CILP2: variants seen among roughly 807,000 people sequenced by gnomAD.
CILP2 encodes cartilage intermediate layer protein 2.
In CILP2, 38 loss-of-function variants were observed where a neutral mutation model predicts 45.6. The observed-to-expected ratio is 0.83, with a 90% CI of 0.64 to 1.09. CILP2 has a LOEUF of 1.09. CILP2 is among the 50% of genes least tolerant of loss of function. The pLI, the probability that CILP2 is intolerant of heterozygous loss-of-function variation, is 0.00. For synonymous variants in CILP2, 780 were observed against 723.5 expected, an observed-to-expected ratio of 1.08 and a Z score of -1.25; for missense variants, 1,735 against 1,662.2, an observed-to-expected ratio of 1.04 and a Z score of -0.76.
Position 19,544,570 on chromosome 19 carries a change from C to T in CILP2, c.2025C>T (p.His675=), listed in dbSNP as rs761269922. The change falls in exon 8 of 8, where the codon CAC becomes CAT. Residue 675 remains histidine, a synonymous_variant. Transcript: ENST00000291495. ...VAASQIHMPG[H]VEALKLWSLN... ...CCAGCCAGATCCACATGCCAGGCCACGTGGAGGCCCTCAAGCTGTGGTCGC... is the reference window on the plus strand; with the variant it reads ...CCAGCCAGATCCACATGCCAGGCCATGTGGAGGCCCTCAAGCTGTGGTCGC... The T allele has an allele frequency of 1.9e-6, 3 of 1,575,870 alleles. No homozygotes were observed. The highest frequency in any genetic ancestry group is 2.6e-6 in the Non-Finnish European group (3 of 1,167,138).
At chr19:19,539,804 T>C in intron 2 of CILP2, 27 bp downstream of exon 2, 1 of 1,535,810 alleles carries the variant, frequency 6.5e-7, no homozygotes, top group Non-Finnish European at 8.8e-7. Flanking sequence ...CGGAGTCCCG[T>C]CTCTGCTGCG....
Position 19,541,165 on chromosome 19 carries a change from C to G in CILP2, c.511C>G (p.Arg171Gly), listed in dbSNP as rs759510220. ...SCGPGRRLRRRHCPSPAGDAC... is the reference protein window; with the variant it reads ...SCGPGRRLRRGHCPSPAGDAC... ...TGGGCCAGGCCGTCGCTTGCGCCGC[C>G]GCCACTGCCCAAGCCCCGCTGGGGA... Residue 171 changes from arginine (R) to glycine (G), a missense_variant, in exon 4 of 8, where the codon CGC becomes GGC. Transcript: ENST00000291495. 7.9e-7 allele frequency: 1 copy of G among 1,260,246 alleles called. No homozygotes were observed. The allele number at this position is 1,260,246 out of a possible 1,614,324, so 78.1% of individuals were successfully genotyped here. A position where few individuals can be genotyped will look rare whatever the true frequency, so the allele number is the denominator to read the frequency against.
In CILP2 at chr19:19,542,669, T is replaced by G; in HGVS notation, c.868+19T>G. The G allele has an allele frequency of 6.2e-7, 1 of 1,609,698 alleles. No individual in the cohort carries two copies. Among genetic ancestry groups the G allele is most frequent in the Non-Finnish European group, 8.5e-7 (1 of 1,176,594 alleles). On this transcript the variant is annotated intron_variant, in intron 5 of 7. Coordinates refer to ENST00000291495, the MANE Select transcript of CILP2 (RefSeq NM_153221.2). Reference sequence around the variant, plus strand: ...AAGTTGGGTAAGCACCCTTGCAACATGGGGCATGAAGGGGCTGAGGATCTG... The same window carrying G: ...AAGTTGGGTAAGCACCCTTGCAACAGGGGGCATGAAGGGGCTGAGGATCTG...
At position 19,546,101 on chromosome 19, in the gene CILP2, C is replaced by A; in HGVS notation, c.*85C>A. On this transcript the variant is annotated 3_prime_UTR_variant, in exon 8 of 8. Coordinates refer to ENST00000291495, the MANE Select transcript of CILP2 (RefSeq NM_153221.2). ...TGCCCCTCCTTCTTCTCCAGACAGC[C>A]CCCTCCCCAGGTGTCTGGGTCCCCT... 1 of 1,190,070 alleles carries A rather than the reference C, an allele frequency of 8.4e-7. No individual in the cohort carries two copies. The highest frequency in any genetic ancestry group is 1.1e-6 in the Non-Finnish European group (1 of 906,610). The allele number at this position is 1,190,070 out of a possible 1,614,324, so 73.7% of individuals were successfully genotyped here. A position where few individuals can be genotyped will look rare whatever the true frequency, so the allele number is the denominator to read the frequency against.
At chr19:19,538,506 A>G in intron 1 of CILP2, 93 bp downstream of exon 1, 2 of 1,034,416 alleles carry the variant, frequency 1.9e-6, no homozygotes, top group South Asian at 1.9e-5. Flanking sequence ...GAGAGAACCC[A>G]GGGACCCACG....
rs1455201628 is a variant in CILP2, at chr19:19,545,650, C to A, written c.3105C>A (p.Pro1035=). 1.2e-6 allele frequency: 2 copies of A among 1,609,170 alleles called. No homozygotes were observed. The highest frequency in any genetic ancestry group is 2.2e-5 in the East Asian group (1 of 44,702). Reference sequence around the variant, plus strand: ...TTCGGGATTACCTGACCCGGCACCCCCCACCGGTGCCCGCGGAGGACCCAG... The same window carrying A: ...TTCGGGATTACCTGACCCGGCACCCACCACCGGTGCCCGCGGAGGACCCAG... ...GLLRDYLTRH[P]PPVPAEDPAA... is the part of the protein sequence containing the mutation. The change falls in exon 8 of 8, where the codon CCC becomes CCA. Residue 1035 remains proline, a synonymous_variant. Transcript: ENST00000291495.
Position 19,544,562 on chromosome 19 carries a change from C to T in CILP2, c.2017C>T (p.Pro673Ser). 1.9e-6 allele frequency: 3 copies of T among 1,577,654 alleles called. No homozygotes were observed. The highest frequency in any genetic ancestry group is 2.6e-6 in the Non-Finnish European group (3 of 1,167,944). ...VRVAASQIHM[P>S]GHVEALKLWS... ...GGTGGCCGCCAGCCAGATCCACATG[C>T]CAGGCCACGTGGAGGCCCTCAAGCT... The change falls in exon 8 of 8, where the codon CCA becomes TCA. Residue 673 changes from proline (P) to serine (S), a missense_variant. Pro to Ser is a moderately conservative substitution (Grantham distance 74). Transcript: ENST00000291495.
chr19:19,539,580 A>G (rs182557669), intron 1 of CILP2, 99 bp from the exon 2 acceptor site: 9,210 of 549,334 alleles, frequency 0.017, 150 homozygotes, highest in African/African-American at 0.071. Context: ...AAAAAAAAAA[A>G]GGGGGGGGAT....
chr19:19,541,060 G>A, intron 3 of CILP2, 31 bp from the exon 4 acceptor site: 1 of 1,248,116 alleles, frequency 8.0e-7, no homozygotes. Flanking sequence ...GGGGAGGGCG[G>A]CCACCTGATC....
rs751155853 is a variant in CILP2 at position 19,545,612 on chromosome 19, G to A, written c.3067G>A (p.Val1023Ile). The A allele has an allele frequency of 7.5e-6, 12 of 1,608,072 alleles. No homozygotes were observed. The highest frequency in any genetic ancestry group is 3.4e-5 in the Admixed American group (2 of 59,644). Residue 1023 changes from valine to isoleucine, a missense_variant, in exon 8 of 8, where the codon GTC becomes ATC. Transcript: ENST00000291495. ...MPQGSCRRVA[V>I]NGLLRDYLTR... ...CCAGGGCAGCTGCCGGCGCGTGGCC[G>A]TCAACGGACTCCTTCGGGATTACCT... is the stretch of plus-strand genomic sequence containing the variant.
At position 19,544,106 on chromosome 19, in the gene CILP2, G is replaced by A. The variant is rs2061254290; in HGVS notation, c.1561G>A (p.Val521Met). Residue 521 changes from valine to methionine, a missense_variant, in exon 8 of 8, where the codon GTG (valine) becomes ATG (methionine). Val to Met is a conservative substitution (Grantham distance 21). Coordinates refer to ENST00000291495, the MANE Select transcript of CILP2 (RefSeq NM_153221.2). ...GGTGCCGCCCTCCACCCAGCGGCTG[G>A]TGGTGACTTTTGTGGACCCCAGCGG... ...IEVPPSTQRL[V>M]VTFVDPSGEF... 4 of 1,613,976 alleles carry A rather than the reference G, an allele frequency of 2.5e-6. No homozygotes were observed. The highest frequency in any genetic ancestry group is 3.4e-6 in the Non-Finnish European group (4 of 1,180,020).
Position 19,542,570 on chromosome 19 carries a change from T to G in CILP2, c.788T>G (p.Met263Arg), listed in dbSNP as rs745879016. 1 of 1,614,082 alleles carries G rather than the reference T, an allele frequency of 6.2e-7. No homozygotes were observed. The highest frequency in any genetic ancestry group is 8.5e-7 in the Non-Finnish European group (1 of 1,180,030). Reference protein sequence around the residue: ...ADSRANIRAQMDGFSAGEAQA... With the variant: ...ADSRANIRAQRDGFSAGEAQA... ...AGCCGCGCCAACATCAGGGCCCAGA[T>G]GGATGGCTTCTCTGCAGGGGAGGCC... Residue 263 changes from methionine (M) to arginine (R), a missense_variant, in exon 5 of 8, where the codon ATG (methionine) becomes AGG (arginine). Transcript: ENST00000291495.
chr19:19,538,335 C>A lies in CILP2; in HGVS notation c.-15C>A, dbSNP rs755441206. On this transcript the variant is annotated 5_prime_UTR_variant, in exon 1 of 8. Coordinates refer to ENST00000291495, the MANE Select transcript of CILP2 (RefSeq NM_153221.2). ...CGCGGAGCCCGGACCCTCCCTCGGA[C>A]GCTCTGCCCCGGCCATGGCGTCGCT... 4 of 1,575,060 alleles carry A rather than the reference C, an allele frequency of 2.5e-6. No individual in the cohort carries two copies. The African/African-American group carries it at 5.6e-5, about 22-fold the overall frequency.
chr19:19,540,492 G>A lies in CILP2; in HGVS notation c.436+16G>A. 1 of 1,141,682 alleles carries A rather than the reference G, an allele frequency of 8.8e-7. No homozygotes were observed. Among genetic ancestry groups the A allele is most frequent in the Non-Finnish European group, 1.1e-6 (1 of 908,344 alleles). 70.7% of individuals were successfully genotyped at this position (1,141,682 alleles called of 1,614,324 possible). On this transcript the variant is annotated intron_variant, in intron 3 of 7. Coordinates refer to ENST00000291495, the MANE Select transcript of CILP2 (RefSeq NM_153221.2). The stretch of plus-strand genomic sequence containing the variant: ...TGCCCACTAGGTGAGGGCGGGGCTG[G>A]ATGACGGGGGCGGGGCTTTGAATGG...
In CILP2 at chr19:19,544,263, G is replaced by C. The variant is rs1019266200; in HGVS notation, c.1718G>C (p.Gly573Ala). ...AGCCAGAGCAACACGATCCCCCTGGGCGAGCTGGAAGATGAGGCGCCCCTG... is the reference window on the plus strand; with the variant it reads ...AGCCAGAGCAACACGATCCCCCTGGCCGAGCTGGAAGATGAGGCGCCCCTG... The part of the protein sequence containing the change: ...HTSQSNTIPL[G>A]ELEDEAPLGE... Residue 573 changes from glycine to alanine, a missense_variant, in exon 8 of 8, where the codon GGC becomes GCC. Coordinates refer to ENST00000291495, the MANE Select transcript of CILP2 (RefSeq NM_153221.2). The C allele has an allele frequency of 2.5e-6, 4 of 1,613,656 alleles. No homozygotes were observed. The highest frequency in any genetic ancestry group is 3.4e-6 in the Non-Finnish European group (4 of 1,180,002).
Position 19,544,864 on chromosome 19 carries a change from C to T in CILP2, c.2319C>T (p.Ala773=), listed in dbSNP as rs530688349. Residue 773 remains alanine, a synonymous_variant, in exon 8 of 8, where the codon GCC becomes GCT. Transcript: ENST00000291495. ...VNLEPAPGFS[A]NPRAWGRFDS... ...TGGAGCCCGCCCCCGGCTTCTCCGC[C>T]AACCCCCGTGCCTGGGGCCGCTTTG... 4.4e-6 allele frequency: 7 copies of T among 1,594,594 alleles called. No homozygotes were observed. In the South Asian group the frequency reaches 7.7e-5, roughly 18 times the overall value.
chr19:19,540,614 C>A, intron 3 of CILP2, 138 bp downstream of exon 3: 1 of 1,038,638 alleles, frequency 9.6e-7, no homozygotes, highest in Non-Finnish European at 1.3e-6. Context: ...CCGGGGGACC[C>A]TTAGGCGTAG....
In CILP2 at chr19:19,543,491, C is replaced by G. The variant is rs1486462580; in HGVS notation, c.1135+86C>G. 6 of 1,510,598 alleles carry G rather than the reference C, an allele frequency of 4.0e-6. No individual in the cohort carries two copies. In the African/African-American group the frequency reaches 5.5e-5, roughly 14 times the overall value. 93.6% of individuals were successfully genotyped at this position (1,510,598 alleles called of 1,614,324 possible). A position where few individuals can be genotyped will look rare whatever the true frequency, so the allele number is the denominator to read the frequency against. On this transcript the variant is annotated intron_variant, in intron 7 of 7. Coordinates refer to ENST00000291495, the MANE Select transcript of CILP2 (RefSeq NM_153221.2). The stretch of plus-strand genomic sequence containing the variant: ...CTAAGCTCAACCCCAAATGGAGCCC[C>G]CACTTCAGACTGATCCAATCCTAGG...
Position 19,545,679 on chromosome 19 carries a change from C to T in CILP2, c.3134C>T (p.Ala1045Val), listed in dbSNP as rs2061262946. 1 of 1,611,896 alleles carries T rather than the reference C, an allele frequency of 6.2e-7. No individual in the cohort carries two copies. Among genetic ancestry groups the T allele is most frequent in the Non-Finnish European group, 8.5e-7 (1 of 1,179,248 alleles). The change falls in exon 8 of 8, where the codon GCC (alanine) becomes GTC (valine). Residue 1045 changes from alanine to valine, a missense_variant. Coordinates refer to ENST00000291495, the MANE Select transcript of CILP2 (RefSeq NM_153221.2). ...CCGGTGCCCGCGGAGGACCCAGCTG[C>T]CTTCTCCATGCTGGCCCCCCTAGAC... ...PPPVPAEDPA[A>V]FSMLAPLDPL... is the part of the protein sequence containing the mutation.
Sources: gnomAD v4.1 joint callset for allele counts on GRCh38, gnomAD v4.1.1 for gene constraint, MANE v1.5 for transcripts, NCBI Gene and HGNC (gene_info 2026-07-23, HGNC 2026-07-21) for gene names.